The following NRG4 variants were observed in gnomAD, a reference collection of about 807,000 sequenced individuals.
The protein encoded by NRG4 is pro-neuregulin-4, membrane-bound isoform.
A neutral mutation model predicts 15.0 loss-of-function variants in NRG4; 10 were observed. The observed-to-expected ratio is 0.67, with a 90% CI of 0.41 to 1.13. The LOEUF (loss-of-function observed/expected upper bound fraction) is 1.13. Ranked by LOEUF, NRG4 falls within the 50% of genes most tolerant of loss-of-function variation. The pLI, the probability that NRG4 is intolerant of heterozygous loss-of-function variation, is 0.00. For missense variants in NRG4, 139 were observed against 140.2 expected (o/e 0.99, Z 0.04); for synonymous variants, 41 against 50.1 (o/e 0.82, Z 0.77).
chr15:76,020,372 G>A (rs973116219), intron 5 of NRG4, among the ~76,000 whole-genome samples: 1 of 152,140 alleles, frequency 6.6e-6, no homozygotes, highest in Non-Finnish European at 1.5e-5. Context: ...TAGGCCTCTT[G>A]CACTGTTAAA....
intron 5 of NRG4, among the ~76,000 whole-genome samples, chr15:76,030,484 G>C (rs183104075): frequency 2.6e-4 from 39 of 152,176 alleles, no homozygotes; most frequent in African/African-American, 9.2e-4. Context: ...CTCTCATTGG[G>C]GAAAGGACAA....
At chr15:76,002,094 G>A (rs996688120) in intron 3 of NRG4, among the ~76,000 whole-genome samples, 2 of 152,150 alleles carry the variant, frequency 1.3e-5, no homozygotes, top group Non-Finnish European at 1.5e-5. Flanking sequence ...AAAACAAGAA[G>A]AGAATAAAGT....
chr15:75,972,290 T>A (rs980559936), intron 3 of NRG4, among the ~76,000 whole-genome samples: 3 of 152,218 alleles, frequency 2.0e-5, no homozygotes, highest in Non-Finnish European at 4.4e-5. Flanking sequence ...GATGGATAGA[T>A]TGCAAAAATT....
At chr15:75,955,652 C>A (rs981516399) in intron 5 of NRG4, among the ~76,000 whole-genome samples, 4 of 152,232 alleles carry the variant, frequency 2.6e-5, no homozygotes, top group South Asian at 4.2e-4. Flanking sequence ...TTCTGAGAAA[C>A]CAGTCCCTTA....
chr15:75,963,475 C>T (rs2032633017), intron 3 of NRG4, among the ~76,000 whole-genome samples: 1 of 151,902 alleles, frequency 6.6e-6, no homozygotes, highest in African/African-American at 2.4e-5. Flanking sequence ...GAGACCTTGT[C>T]TTTACAAAAA....
intron 5 of NRG4, among the ~76,000 whole-genome samples, chr15:76,025,511 A>G (rs2035289540): frequency 6.6e-6 from 1 of 152,202 alleles, no homozygotes; most frequent in African/African-American, 2.4e-5. Flanking sequence ...AAATTCAATA[A>G]AGAAATAGAT....
At chr15:75,943,772 G>GATC in intron 5 of NRG4, 118 bp from the exon 6 acceptor site, 1 of 681,092 alleles carries the variant, frequency 1.5e-6, no homozygotes, top group Non-Finnish European at 2.6e-6. Context: ...TTCTGTTTGT[G>GATC]ATAGGATGTG....
intron 4 of NRG4, among the ~76,000 whole-genome samples, chr15:75,959,560 A>G (rs2032414947): frequency 6.6e-6 from 1 of 152,150 alleles, no homozygotes; most frequent in South Asian, 2.1e-4. Context: ...CAGTGGCATA[A>G]TCACAGCTCA....
chr15:75,987,928 T>C (rs1350869423), intron 3 of NRG4, among the ~76,000 whole-genome samples: 6 of 152,180 alleles, frequency 3.9e-5, no homozygotes, highest in Non-Finnish European at 4.4e-5. Flanking sequence ...CGATATACAC[T>C]GTAGATGCCA....
chr15:76,004,171 T>G (rs2034511220), intron 3 of NRG4, among the ~76,000 whole-genome samples: 1 of 152,208 alleles, frequency 6.6e-6, no homozygotes, highest in Admixed American at 6.5e-5. Context: ...GCAGAGTTCT[T>G]ATATGTGATT....
Position 76,011,240 on chromosome 15 carries a change from TA to T in NRG4, c.-11del. Reference sequence around the variant, plus strand: ...AATTACCTGTTGGCATCTTAATTTGTAAATAGTTTCATTCTTGGTCAAGAGA... The same window carrying T: ...AATTACCTGTTGGCATCTTAATTTGTAATAGTTTCATTCTTGGTCAAGAGA... On this transcript the variant is annotated 5_prime_UTR_variant, in exon 2 of 6. It removes the in-frame stop codon of an upstream open reading frame in the 5' UTR. Coordinates refer to ENST00000394907, the MANE Select transcript of NRG4 (RefSeq NM_138573.4). 2 of 1,453,034 alleles carry T rather than the reference TA, an allele frequency of 1.4e-6. No homozygotes were observed. Among genetic ancestry groups the T allele is most frequent in the Non-Finnish European group, 9.1e-7 (1 of 1,094,902 alleles). 90.0% of individuals were successfully genotyped at this position (1,453,034 alleles called of 1,614,324 possible).
At chr15:75,959,807 A>G (rs1798372860) in intron 4 of NRG4, among the ~76,000 whole-genome samples, 2 of 152,226 alleles carry the variant, frequency 1.3e-5, no homozygotes, top group South Asian at 4.1e-4. Context: ...GAGGAGGACC[A>G]TGAAACTCCT....
intron 5 of NRG4, among the ~76,000 whole-genome samples, chr15:76,023,172 AC>A (rs1596035770): frequency 6.8e-5 from 10 of 146,640 alleles, no homozygotes; most frequent in East Asian, 2.0e-4. Flanking sequence ...ACACACACAC[AC>A]ACACACACAC....
chr15:75,936,982 ATATT>A (rs1367457633), downstream of NRG4: 2 of 152,336 alleles, frequency 1.3e-5, no homozygotes, highest in African/African-American at 2.4e-5. Context: ...GAAAGAAAAT[ATATT>A]TATTAATGTT....
At chr15:76,035,595 G>C (rs1052174975) in intron 5 of NRG4, among the ~76,000 whole-genome samples, 1 of 152,056 alleles carries the variant, frequency 6.6e-6, no homozygotes, top group African/African-American at 2.4e-5. Flanking sequence ...CCCTCAGGCA[G>C]TGTTATAGAA....
intron 5 of NRG4, among the ~76,000 whole-genome samples, chr15:75,951,839 G>T (rs1335310624): frequency 6.6e-6 from 1 of 152,114 alleles, no homozygotes; most frequent in East Asian, 1.9e-4. Flanking sequence ...TTCTTAAGGA[G>T]ATTTAAATAA....
intron 4 of NRG4, among the ~76,000 whole-genome samples, chr15:75,960,622 C>T (rs1219060690): frequency 2.6e-5 from 4 of 152,190 alleles, no homozygotes; most frequent in African/African-American, 9.7e-5. Flanking sequence ...CTTCTTACAA[C>T]ATGGCGGCTG....
chr15:76,042,522 G>A (rs549338923), intron 4 of NRG4, among the ~76,000 whole-genome samples: 25 of 151,080 alleles, frequency 1.7e-4, no homozygotes, highest in Non-Finnish European at 2.8e-4. Flanking sequence ...AGAGGCTACT[G>A]TGAGCAACTA....
At chr15:76,003,112 G>C (rs981847993) in intron 3 of NRG4, among the ~76,000 whole-genome samples, 27 of 152,068 alleles carry the variant, frequency 1.8e-4, no homozygotes, top group Non-Finnish European at 2.9e-4. Context: ...ATTGTAAAGA[G>C]TATATTCTCT....
Sources: gnomAD v4.1 joint callset for allele counts (sites outside exome capture counted in the v4.1 genomes callset) on GRCh38, gnomAD v4.1.1 for gene constraint, MANE v1.5 for transcripts, NCBI Gene and HGNC (gene_info 2026-07-23, HGNC 2026-07-21) for gene names.